The following ZNF91 variants were observed in gnomAD, a reference collection of about 807,000 sequenced individuals.
ZNF91 encodes zinc finger protein 91.
In ZNF91, 7 loss-of-function variants were observed where a neutral mutation model predicts 12.6. The observed-to-expected ratio is 0.55, with a 90% confidence interval of 0.31 to 1.04. The LOEUF (loss-of-function observed/expected upper bound fraction) is 1.04. ZNF91 is among the 50% of genes least tolerant of loss of function. The pLI is 0.05. For missense variants in ZNF91, 1,217 were observed against 1,385.4 expected (o/e 0.88, Z 1.93); for synonymous variants, 453 against 462.6 (o/e 0.98, Z 0.27).
At chr19:23,352,133 G>A (rs995950680) in intron 3 of ZNF91, among the ~76,000 whole-genome samples, 4 of 152,200 alleles carry the variant, frequency 2.6e-5, no homozygotes, top group Non-Finnish European at 5.9e-5. Context: ...TGGGAGGCAG[G>A]AAGCCTTAAG....
chr19:23,394,964 G>A (rs1970184480), intron 1 of ZNF91, among the ~76,000 whole-genome samples: 1 of 152,090 alleles, frequency 6.6e-6, no homozygotes, highest in South Asian at 2.1e-4. Context: ...GGAACCCCAC[G>A]GACTAAAGTG....
Position 23,322,186 on chromosome 19 carries a change from G to T in ZNF91, n.117-13089C>A, listed in dbSNP as rs546388766. On this transcript the variant is annotated intron_variant and non_coding_transcript_variant, in intron 1 of 1. Transcript: ENST00000596528. ...TACGTAACTTTCCTCTTCTTCCTGA[G>T]CCCTACCCACAGAAGGCATTGTGCC... 3.3e-5 allele frequency among the ~76,000 whole-genome samples: 5 copies of T among 152,274 alleles called. No homozygotes were observed. The East Asian group carries it at 9.7e-4, about 29-fold the overall frequency.
intron 3 of ZNF91, among the ~76,000 whole-genome samples, chr19:23,368,449 G>GGT (rs1969106899): frequency 6.6e-6 from 1 of 151,488 alleles, no homozygotes; most frequent in Non-Finnish European, 1.5e-5. Context: ...CAGGAGGTGG[G>GGT]GGTTGCAGTG....
At chr19:23,386,310 TTG>T (rs1969871864) in intron 1 of ZNF91, among the ~76,000 whole-genome samples, 1 of 152,042 alleles carries the variant, frequency 6.6e-6, no homozygotes, top group African/African-American at 2.4e-5. Context: ...AAAAAAACTG[TTG>T]TAAAATTCAT....
upstream of ZNF91, among the ~76,000 whole-genome samples, chr19:23,314,025 C>T (rs559099275): frequency 1.3e-5 from 2 of 152,274 alleles, no homozygotes; most frequent in South Asian, 2.1e-4. Flanking sequence ...GAGAATGTCA[C>T]AATACAGGCA....
intron 3 of ZNF91, among the ~76,000 whole-genome samples, chr19:23,350,652 T>C (rs555071911): frequency 7.2e-5 from 11 of 152,240 alleles, no homozygotes; most frequent in African/African-American, 2.4e-4. Flanking sequence ...AGGGAATGAA[T>C]AACTTCTCCC....
Position 23,359,921 on chromosome 19 carries a change from T to A in ZNF91, c.3058A>T (p.Lys1020Ter). The A allele has an allele frequency of 6.3e-7, 1 of 1,588,752 alleles. No homozygotes were observed. The highest frequency in any genetic ancestry group is 1.1e-5 in the South Asian group (1 of 89,886). The change falls in exon 4 of 4, where the codon AAA becomes TAA. Residue 1020 changes from lysine to a stop codon, truncating the protein, a stop_gained. Transcript: ENST00000300619. LOFTEE classifies it low-confidence loss of function (END_TRUNC). ...CCACATTCTTCACATTTGTATGGTTTCTCTCCAGTGTGCATCCTCGTATGT... is the reference window on the plus strand; with the variant it reads ...CCACATTCTTCACATTTGTATGGTTACTCTCCAGTGTGCATCCTCGTATGT... ...TRHTRMHTGE[K>*]PYKCEECGKA...
At position 23,360,985 on chromosome 19, in the gene ZNF91, T is replaced by C. The variant is rs745881502; in HGVS notation, c.1994A>G (p.Lys665Arg). Residue 665 changes from lysine (K) to arginine (R), a missense_variant, in exon 4 of 4, where the codon AAA becomes AGA. Lys to Arg is a conservative substitution (Grantham distance 26). Coordinates refer to ENST00000300619, the MANE Select transcript of ZNF91 (RefSeq NM_003430.4). ...EKPYKCKECG[K>R]AFSNSSTLAN... The stretch of plus-strand genomic sequence containing the variant: ...AAGGGTTGAGGAATTGCTAAAAGCT[T>C]TGCCACATTCTTTACATTTGTAGGG... 1.3e-5 allele frequency: 21 copies of C among 1,613,438 alleles called. No individual in the cohort carries two copies. The highest frequency in any genetic ancestry group is 1.4e-5 in the Non-Finnish European group (17 of 1,179,598).
intron 1 of ZNF91, chr19:23,385,077 G>C (rs1410404125): frequency 4.0e-6 from 4 of 992,504 alleles, no homozygotes; most frequent in African/African-American, 1.6e-5. Flanking sequence ...AGTCCAGACA[G>C]GGCAGGGACA....
intron 3 of ZNF91, among the ~76,000 whole-genome samples, chr19:23,372,416 C>G (rs1479995481): frequency 6.6e-6 from 1 of 151,318 alleles, no homozygotes; most frequent in Non-Finnish European, 1.5e-5. Flanking sequence ...TGTTGCAAGA[C>G]CCCATCTCAA....
At position 23,359,911 on chromosome 19, in the gene ZNF91, T is replaced by G. The variant is rs1240321820; in HGVS notation, c.3068A>C (p.Lys1023Thr). ...TRMHTGEKPY[K>T]CEECGKAFNR... is the part of the protein sequence containing the mutation. ...AAAAGCTTTGCCACATTCTTCACAT[T>G]TGTATGGTTTCTCTCCAGTGTGCAT... The change falls in exon 4 of 4, where the codon AAA (lysine) becomes ACA (threonine). Residue 1023 changes from lysine to threonine, a missense_variant. Around this residue, in one of 2 missense-constraint regions of ZNF91, gnomAD observed 491 missense variants for 489.8 expected, o/e 1.00. Coordinates refer to ENST00000300619, the MANE Select transcript of ZNF91 (RefSeq NM_003430.4). 2 of 1,584,924 alleles carry G rather than the reference T, an allele frequency of 1.3e-6. No homozygotes were observed. The highest frequency in any genetic ancestry group is 3.4e-5 in the Admixed American group (2 of 58,772).
chr19:23,359,932 T>A lies in ZNF91; in HGVS notation c.3047A>T (p.His1016Leu). 19 of 1,588,666 alleles carry A rather than the reference T, an allele frequency of 1.2e-5. No homozygotes were observed. Among genetic ancestry groups the A allele is most frequent in the Non-Finnish European group, 1.6e-5 (19 of 1,160,444 alleles). The change falls in exon 4 of 4, where the codon CAC (histidine) becomes CTC (leucine). Residue 1016 changes from histidine to leucine, a missense_variant. His to Leu is a moderately conservative substitution (Grantham distance 99). Around this residue, in one of 2 missense-constraint regions of ZNF91, gnomAD observed 491 missense variants for 489.8 expected, o/e 1.00. Transcript: ENST00000300619. ...SSTLTRHTRMHTGEKPYKCEE... is the reference protein window; with the variant it reads ...SSTLTRHTRMLTGEKPYKCEE... ...ACATTTGTATGGTTTCTCTCCAGTG[T>A]GCATCCTCGTATGTCTAGTTAGGGT... is the stretch of plus-strand genomic sequence containing the variant.
At chr19:23,321,590 C>T (rs931371099) in intron 1 of ZNF91, among the ~76,000 whole-genome samples, 4 of 152,028 alleles carry the variant, frequency 2.6e-5, no homozygotes, top group Non-Finnish European at 4.4e-5. Context: ...TTACATATAT[C>T]CTGGGCCCAG....
chr19:23,346,118 C>T (rs1338528193), intron 3 of ZNF91, among the ~76,000 whole-genome samples: 1 of 152,132 alleles, frequency 6.6e-6, no homozygotes, highest in South Asian at 2.1e-4. Flanking sequence ...TTCCCTTCTC[C>T]CTCACTGATA....
intron 1 of ZNF91, among the ~76,000 whole-genome samples, chr19:23,387,238 C>T (rs984044498): frequency 2.6e-5 from 4 of 152,128 alleles, no homozygotes; most frequent in African/African-American, 7.2e-5. Flanking sequence ...TGTGGCAATT[C>T]CTCACAGAAC....
intron 1 of ZNF91, chr19:23,328,148 G>A (rs1223479356): frequency 6.6e-6 from 1 of 151,930 alleles, no homozygotes; most frequent in Non-Finnish European, 1.5e-5. Flanking sequence ...CTACCGGTAT[G>A]GCAAAGACAT....
intron 3 of ZNF91, among the ~76,000 whole-genome samples, chr19:23,343,698 C>T (rs964751697): frequency 2.0e-5 from 3 of 152,148 alleles, no homozygotes; most frequent in Non-Finnish European, 4.4e-5. Context: ...AGAGTAAAGC[C>T]GCTGACCCTG....
At chr19:23,379,103 C>T (rs926514192) in intron 1 of ZNF91, among the ~76,000 whole-genome samples, 2 of 152,120 alleles carry the variant, frequency 1.3e-5, no homozygotes, top group Non-Finnish European at 2.9e-5. Flanking sequence ...CTCAAAGATA[C>T]CTAGGTGACT....
At chr19:23,352,997 A>G (rs560880201), downstream of ZNF91, among the ~76,000 whole-genome samples, 1 of 152,374 alleles carries the variant, frequency 6.6e-6, no homozygotes, top group African/African-American at 2.4e-5. Context: ...ATAGACAGCA[A>G]CACTGTAATA....
Sources: allele counts gnomAD v4.1 joint callset (sites outside exome capture counted in the v4.1 genomes callset), GRCh38; gene constraint gnomAD v4.1.1; regional missense constraint gnomAD v4.1.1; transcripts MANE v1.5; gene names NCBI Gene and HGNC (gene_info 2026-07-23, HGNC 2026-07-21).